DYNC1I1: variants seen among roughly 807,000 people sequenced by gnomAD.
The protein encoded by DYNC1I1 is dynein cytoplasmic 1 intermediate chain 1.
A neutral mutation model predicts 86.6 loss-of-function variants in DYNC1I1; 43 were observed. The ratio of observed to expected loss-of-function variants is 0.50; its 90% CI spans 0.39 to 0.64. DYNC1I1 has a LOEUF of 0.64. Among genes scored for constraint, DYNC1I1 ranks in the 30% least tolerant of loss-of-function variants. The probability of loss-of-function intolerance (pLI) is 0.00; values close to 1 mark genes in which losing one functional copy is unlikely to be tolerated. For missense variants in DYNC1I1, 604 were observed against 788.8 expected, an observed-to-expected ratio of 0.77 and a Z score of 2.81; for synonymous variants, 262 against 283.7, an observed-to-expected ratio of 0.92 and a Z score of 0.77.
intron 6 of DYNC1I1, among the ~76,000 whole-genome samples, chr7:95,907,683 G>A (rs80150515): frequency 0.051 from 7,742 of 151,734 alleles, 218 homozygotes; most frequent in African/African-American, 0.064. Flanking sequence ...CTCATTCTCT[G>A]CCTTTTACCA....
At chr7:95,966,137 A>T (rs1309012169) in intron 6 of DYNC1I1, among the ~76,000 whole-genome samples, 1 of 152,186 alleles carries the variant, frequency 6.6e-6, no homozygotes, top group Admixed American at 6.5e-5. Context: ...TAGGAGATAC[A>T]TCCAGAATTT....
chr7:95,834,835 TA>T (rs1269813394), intron 5 of DYNC1I1, among the ~76,000 whole-genome samples: 1 of 149,662 alleles, frequency 6.7e-6, no homozygotes, highest in Non-Finnish European at 1.5e-5. Flanking sequence ...TATCATTTTT[TA>T]TTGTGTCTAT....
chr7:95,823,200 C>T (rs989311521), intron 4 of DYNC1I1, among the ~76,000 whole-genome samples: 5 of 152,106 alleles, frequency 3.3e-5, no homozygotes, highest in African/African-American at 9.7e-5. Flanking sequence ...AAACTAAGCA[C>T]TGAGGAAAAT....
chr7:96,080,629 T>C (rs2116268304), intron 16 of DYNC1I1, 141 bp downstream of exon 16: 1 of 1,408,086 alleles, frequency 7.1e-7, no homozygotes, highest in African/African-American at 1.4e-5. Context: ...TCAATGCTAG[T>C]TTGGCGAGAC....
At chr7:96,108,860 CAA>C (rs201915898) in intron 16 of DYNC1I1, among the ~76,000 whole-genome samples, 25 of 79,558 alleles carry the variant, frequency 3.1e-4, no homozygotes, top group Non-Finnish European at 3.8e-4. Flanking sequence ...GACTCTGTCT[CAA>C]AAAAAAAAAA....
At chr7:95,835,762 A>G (rs1472628517) in intron 5 of DYNC1I1, among the ~76,000 whole-genome samples, 3 of 151,794 alleles carry the variant, frequency 2.0e-5, no homozygotes, top group Non-Finnish European at 2.9e-5. Context: ...TTGTTGGTTT[A>G]AAGTCTGTTT....
chr7:96,057,774 T>TGTCATATAG (rs1789624835), intron 14 of DYNC1I1, among the ~76,000 whole-genome samples: 1 of 152,210 alleles, frequency 6.6e-6, no homozygotes, highest in Admixed American at 6.5e-5. Context: ...ATGATTAATG[T>TGTCATATAG]GTCATATAGG....
chr7:95,928,503 G>A (rs1057198468), intron 6 of DYNC1I1, among the ~76,000 whole-genome samples: 4 of 152,158 alleles, frequency 2.6e-5, no homozygotes, highest in Non-Finnish European at 5.9e-5. Context: ...GAACTGGCTA[G>A]AGCCTGTTCT....
chr7:95,867,178 G>T (rs1219761765), intron 5 of DYNC1I1, among the ~76,000 whole-genome samples: 2 of 152,106 alleles, frequency 1.3e-5, no homozygotes, highest in Non-Finnish European at 2.9e-5. Flanking sequence ...CTATCTTAAG[G>T]AATCTTTAAT....
At chr7:95,831,229 A>G (rs990837108) in intron 5 of DYNC1I1, among the ~76,000 whole-genome samples, 2 of 152,214 alleles carry the variant, frequency 1.3e-5, no homozygotes, top group African/African-American at 4.8e-5. Flanking sequence ...AATTTTGACT[A>G]ATTACAGTTT....
rs1338849032 is a variant in DYNC1I1, at chr7:95,903,114, T to C, written c.490+33116T>C. Among the ~76,000 whole-genome samples the C allele has an allele frequency of 3.9e-5, 6 of 152,194 alleles. No individual in the cohort carries two copies. In the East Asian group the frequency reaches 1.2e-3, roughly 29 times the overall value. On this transcript the variant is annotated intron_variant, in intron 6 of 16. Transcript: ENST00000447467. ...ATTACAGTACTCCATGGCCAAATCT[T>C]GGTAGCAAGTATTTTTTGCTATCTT...
At chr7:96,107,723 G>A (rs1295556741) in intron 16 of DYNC1I1, among the ~76,000 whole-genome samples, 1 of 151,660 alleles carries the variant, frequency 6.6e-6, no homozygotes, top group African/African-American at 2.4e-5. Context: ...GTAGAGACAG[G>A]GTTTCACCAT....
intron 1 of DYNC1I1, among the ~76,000 whole-genome samples, chr7:95,792,620 A>G (rs1304733039): frequency 6.6e-6 from 1 of 152,206 alleles, no homozygotes; most frequent in Admixed American, 6.5e-5. Context: ...TTGGGTCTTC[A>G]TTTCCTTATG....
chr7:95,971,847 G>C (rs1384236669), intron 6 of DYNC1I1, among the ~76,000 whole-genome samples: 2 of 152,116 alleles, frequency 1.3e-5, no homozygotes, highest in Non-Finnish European at 2.9e-5. Context: ...ATGCCCTTTG[G>C]AGCTGAGAAG....
chr7:95,976,616 C>T (rs965084009), intron 6 of DYNC1I1, among the ~76,000 whole-genome samples: 2 of 152,162 alleles, frequency 1.3e-5, no homozygotes, highest in African/African-American at 4.8e-5. Context: ...CTTTTCAACT[C>T]TCTTTGAACC....
intron 6 of DYNC1I1, among the ~76,000 whole-genome samples, chr7:95,889,533 A>G (rs77212536): frequency 0.039 from 5,969 of 152,250 alleles, 261 homozygotes; most frequent in East Asian, 0.12. Context: ...CAGGACAAAG[A>G]AACTGGCAAA....
chr7:95,825,156 G>C (rs1237040875), intron 4 of DYNC1I1, among the ~76,000 whole-genome samples: 3 of 152,134 alleles, frequency 2.0e-5, no homozygotes, highest in Non-Finnish European at 4.4e-5. Context: ...TCCTACCTTG[G>C]TTTTTCTGGC....
intron 6 of DYNC1I1, among the ~76,000 whole-genome samples, chr7:95,953,030 A>G (rs1489008931): frequency 6.6e-6 from 1 of 151,028 alleles, no homozygotes; most frequent in Non-Finnish European, 1.5e-5. Flanking sequence ...TGCATGGTAA[A>G]GAATTACAAA....
chr7:95,841,600 A>G (rs1017583010), intron 5 of DYNC1I1, among the ~76,000 whole-genome samples: 6 of 152,198 alleles, frequency 3.9e-5, no homozygotes, highest in Non-Finnish European at 7.3e-5. Flanking sequence ...GAAAAAAATC[A>G]GAGCATTTGT....
Sources: allele counts gnomAD v4.1 joint callset (sites outside exome capture counted in the v4.1 genomes callset), GRCh38; gene constraint gnomAD v4.1.1; transcripts MANE v1.5; gene names NCBI Gene and HGNC (gene_info 2026-07-23, HGNC 2026-07-21).